Variants in CCDC39 observed in about 807,000 individuals in gnomAD.
The protein encoded by CCDC39 is coiled-coil domain 39 molecular ruler complex subunit, also known as coiled-coil domain-containing protein 39.
A neutral mutation model predicts 121.0 loss-of-function variants in CCDC39; 113 were observed. The ratio of observed to expected loss-of-function variants is 0.93; its 90% CI spans 0.80 to 1.09. The LOEUF is 1.09. Among genes scored for constraint, CCDC39 ranks in the 50% least tolerant of loss-of-function variants. The pLI, the probability that CCDC39 is intolerant of heterozygous loss-of-function variation, is 0.00. For missense variants in CCDC39, 1,063 were observed against 1,074.7 expected, an observed-to-expected ratio of 0.99 and a Z score of 0.15; for synonymous variants, 349 against 352.2, an observed-to-expected ratio of 0.99 and a Z score of 0.10.
In CCDC39 at chr3:180,648,147, C is replaced by T. The variant is rs1718116634; in HGVS notation, c.1362+18G>A. On this transcript the variant is annotated intron_variant, in intron 10 of 19. Transcript: ENST00000476379. ...GTAATAAATCAATATGGAAGATATT[C>T]ATAAAAGTAACATCTACCTGGCTGT... 7.0e-6 allele frequency: 11 copies of T among 1,581,908 alleles called. No homozygotes were observed. The highest frequency in any genetic ancestry group is 9.5e-6 in the Non-Finnish European group (11 of 1,154,408).
In CCDC39 at chr3:180,644,268, G is replaced by GA; in HGVS notation, c.1528-12dup. The GA allele has an allele frequency of 6.8e-7, 1 of 1,469,632 alleles. No individual in the cohort carries two copies. Among genetic ancestry groups the GA allele is most frequent in the South Asian group, 1.3e-5 (1 of 74,880 alleles). The allele number at this position is 1,469,632 out of a possible 1,614,324, so 91.0% of individuals were successfully genotyped here. On this transcript the variant is annotated splice_polypyrimidine_tract_variant and intron_variant, in intron 11 of 19. Coordinates refer to ENST00000476379, the MANE Select transcript of CCDC39 (RefSeq NM_181426.2). ...AAAATAAAGATCATTCTGCAAAAAA[G>GA]AAAAAAGGTATATAAATGTATGTTT... is the stretch of plus-strand genomic sequence containing the variant.
chr3:180,677,654 T>C (rs540653164), intron 1 of CCDC39, among the ~76,000 whole-genome samples: 2 of 152,228 alleles, frequency 1.3e-5, no homozygotes, highest in East Asian at 3.9e-4. Context: ...CAACAACTGC[T>C]TTTTCTTCTC....
At chr3:180,633,579 T>C (rs1289469934) in intron 13 of CCDC39, among the ~76,000 whole-genome samples, 1 of 150,248 alleles carries the variant, frequency 6.7e-6, no homozygotes. Context: ...GAGAGGGGAA[T>C]AGGGAGAGAG....
At position 180,651,532 on chromosome 3, in the gene CCDC39, A is replaced by T; in HGVS notation, c.1036T>A (p.Leu346Ile). 1 of 1,521,744 alleles carries T rather than the reference A, an allele frequency of 6.6e-7. No homozygotes were observed. Among genetic ancestry groups the T allele is most frequent in the African/African-American group, 1.4e-5 (1 of 71,250 alleles). 94.3% of individuals were successfully genotyped at this position (1,521,744 alleles called of 1,614,324 possible). Residue 346 changes from leucine (L) to isoleucine (I), a missense_variant and splice_region_variant, in exon 9 of 20, where the codon TTA becomes ATA. Coordinates refer to ENST00000476379, the MANE Select transcript of CCDC39 (RefSeq NM_181426.2). ...KKDIHEETAR[L>I]QKTKNHNEII... Reference sequence around the variant, plus strand: ...TCATTATGATTTTTAGTTTTTTGTAACCTGAAGAGGGTTTATCACAAAAAG... The same window carrying T: ...TCATTATGATTTTTAGTTTTTTGTATCCTGAAGAGGGTTTATCACAAAAAG...
chr3:180,621,412 C>A (rs925861972), intron 14 of CCDC39, among the ~76,000 whole-genome samples: 1 of 152,028 alleles, frequency 6.6e-6, no homozygotes, highest in Non-Finnish European at 1.5e-5. Context: ...TCTCCATATC[C>A]ACACCAACAT....
chr3:180,642,609 TATCA>T (rs1282279840), intron 12 of CCDC39, among the ~76,000 whole-genome samples: 4 of 152,212 alleles, frequency 2.6e-5, no homozygotes, highest in African/African-American at 9.6e-5. Flanking sequence ...AGAGTACACA[TATCA>T]ATCAATTTTC....
chr3:180,644,873 G>A (rs1245411669), intron 11 of CCDC39, among the ~76,000 whole-genome samples: 2 of 152,142 alleles, frequency 1.3e-5, no homozygotes, highest in South Asian at 2.1e-4. Context: ...GAGGGCGACT[G>A]TGCTAGGAGA....
intron 14 of CCDC39, among the ~76,000 whole-genome samples, chr3:180,630,615 T>A (rs1297946851): frequency 6.6e-6 from 1 of 152,170 alleles, no homozygotes; most frequent in Non-Finnish European, 1.5e-5. Flanking sequence ...GCATTTTGAG[T>A]AATTTCCTAG....
At chr3:180,664,502 T>A (rs995192498) in intron 1 of CCDC39, among the ~76,000 whole-genome samples, 1 of 152,200 alleles carries the variant, frequency 6.6e-6, no homozygotes, top group African/African-American at 2.4e-5. Context: ...AATCTACTAA[T>A]TCTTTAAATG....
Position 180,661,887 on chromosome 3 carries a change from T to G in CCDC39, c.331A>C (p.Ile111Leu). The G allele has an allele frequency of 6.3e-7, 1 of 1,587,520 alleles. No homozygotes were observed. The highest frequency in any genetic ancestry group is 1.1e-5 in the South Asian group (1 of 87,312). ...IQRLENEMAS[I>L]LEKKSDKENG... ...TCTTTATCACTTTTCTTTTCCAGTA[T>G]TGAAGCCATCTCATTTTCCAGCCGT... The change falls in exon 3 of 20, where the codon ATA (isoleucine) becomes CTA (leucine). Residue 111 changes from isoleucine to leucine, a missense_variant. Ile to Leu is a conservative substitution (Grantham distance 5). Coordinates refer to ENST00000476379, the MANE Select transcript of CCDC39 (RefSeq NM_181426.2).
Position 180,651,424 on chromosome 3 carries a change from T to C in CCDC39, c.1144A>G (p.Lys382Glu). ...ACCTTCACATCTTTTTCCTCCTCCT[T>C]TAGCATATCTTCCAAATTAGTAGCT... ...EKATNLEDML[K>E]EEEKDVKEVD... The change falls in exon 9 of 20, where the codon AAG becomes GAG. Residue 382 changes from lysine to glutamate, a missense_variant. Physicochemically the swap from Lys to Glu is moderately conservative, Grantham distance 56. Coordinates refer to ENST00000476379, the MANE Select transcript of CCDC39 (RefSeq NM_181426.2). 1 of 1,558,852 alleles carries C rather than the reference T, an allele frequency of 6.4e-7. No individual in the cohort carries two copies. The highest frequency in any genetic ancestry group is 8.7e-7 in the Non-Finnish European group (1 of 1,150,158).
Position 180,651,448 on chromosome 3 carries a change from C to T in CCDC39, c.1120G>A (p.Ala374Thr). ...TEKTMSVEEKATNLEDMLKEE... is the reference protein window; with the variant it reads ...TEKTMSVEEKTTNLEDMLKEE... ...TTTAGCATATCTTCCAAATTAGTAG[C>T]TTTCTCTTCTACAGACATGGTTTTC... is the stretch of plus-strand genomic sequence containing the variant. Residue 374 changes from alanine to threonine, a missense_variant, in exon 9 of 20, where the codon GCT becomes ACT. Coordinates refer to ENST00000476379, the MANE Select transcript of CCDC39 (RefSeq NM_181426.2). 1 of 1,557,364 alleles carries T rather than the reference C, an allele frequency of 6.4e-7. No individual in the cohort carries two copies. The highest frequency in any genetic ancestry group is 8.7e-7 in the Non-Finnish European group (1 of 1,148,588).
At position 180,657,855 on chromosome 3, in the gene CCDC39, G is replaced by A. The variant is rs1711622363; in HGVS notation, c.738+1597C>T. Among the ~76,000 whole-genome samples, 4 of 152,216 alleles carry A rather than the reference G, an allele frequency of 2.6e-5. No individual in the cohort carries two copies. In the South Asian group the frequency reaches 8.3e-4, roughly 32 times the overall value. On this transcript the variant is annotated intron_variant, in intron 6 of 19. Transcript: ENST00000476379. ...TCCCAGGAATCAATCCTCAAGCTTG[G>A]CCAAAAGAAACTCTGCTTCCATTAA... is the stretch of plus-strand genomic sequence containing the variant.
chr3:180,620,010 T>TCTTCCC, intron 14 of CCDC39, 40 bp from the exon 15 acceptor site: 1 of 1,487,672 alleles, frequency 6.7e-7, no homozygotes, highest in Non-Finnish European at 9.0e-7. Context: ...TAAAAGCATT[T>TCTTCCC]ACTATGGGAA....
intron 13 of CCDC39, 66 bp downstream of exon 13, chr3:180,641,927 G>C: frequency 8.8e-7 from 1 of 1,130,024 alleles, no homozygotes; most frequent in Non-Finnish European, 1.3e-6. Context: ...GTTAGAGGGG[G>C]CAGCTAGTTC....
Position 180,662,020 on chromosome 3 carries a change from A to C in CCDC39, c.211-13T>G, listed in dbSNP as rs991528026. 5.2e-6 allele frequency: 8 copies of C among 1,532,246 alleles called. No individual in the cohort carries two copies. The Middle Eastern group carries it at 5.0e-4, about 96-fold the overall frequency. The allele number at this position is 1,532,246 out of a possible 1,614,324, so 94.9% of individuals were successfully genotyped here. ...CTTTGCAAAGAGACTACAGAATAAC[A>C]CACAAGATAAAAAGGCTTTTAAAAT... On this transcript the variant is annotated splice_polypyrimidine_tract_variant and intron_variant, in intron 2 of 19. Transcript: ENST00000476379.
chr3:180,625,121 A>G (rs1422693022), intron 14 of CCDC39, among the ~76,000 whole-genome samples: 1 of 152,046 alleles, frequency 6.6e-6, no homozygotes, highest in African/African-American at 2.4e-5. Flanking sequence ...TGGGCTTTCT[A>G]AACTTATTTC....
chr3:180,624,804 T>G (rs1351818798), intron 14 of CCDC39, among the ~76,000 whole-genome samples: 1 of 152,136 alleles, frequency 6.6e-6, no homozygotes, highest in African/African-American at 2.4e-5. Context: ...TTGTTCTGTT[T>G]TTGTTTTTGT....
At chr3:180,652,714 A>G (rs796449509) in intron 7 of CCDC39, among the ~76,000 whole-genome samples, 2 of 152,278 alleles carry the variant, frequency 1.3e-5, no homozygotes, top group African/African-American at 4.8e-5. Flanking sequence ...AATTATTTAA[A>G]CAGAAAATCT....
Sources: allele counts gnomAD v4.1 joint callset (sites outside exome capture counted in the v4.1 genomes callset), GRCh38; gene constraint gnomAD v4.1.1; transcripts MANE v1.5; gene names NCBI Gene and HGNC (gene_info 2026-07-23, HGNC 2026-07-21).